The following PTPRD variants were observed in gnomAD, a reference collection of about 807,000 sequenced individuals.
PTPRD encodes protein tyrosine phosphatase receptor type D, also known as receptor-type tyrosine-protein phosphatase delta.
Under a neutral mutation model 214.5 loss-of-function variants are expected in PTPRD, and 34 were observed. The observed-to-expected ratio is 0.16, with a 90% CI of 0.12 to 0.21. PTPRD has a LOEUF of 0.21. PTPRD is among the 10% of genes least tolerant of loss of function. The probability of loss-of-function intolerance (pLI) is 1.00; values close to 1 mark genes in which losing one functional copy is unlikely to be tolerated. For missense variants in PTPRD, 2,545 were observed against 2,398.7 expected (o/e 1.06, Z -1.27); for synonymous variants, 1,128 against 845.7 (o/e 1.33, Z -5.79).
chr9:9,896,862 A>G (rs1601363853), intron 5 of PTPRD, among the ~76,000 whole-genome samples: 1 of 152,080 alleles, frequency 6.6e-6, no homozygotes, highest in Non-Finnish European at 1.5e-5. Context: ...ATATTAGAAA[A>G]ATCATTAACT....
In PTPRD at chr9:9,567,640, A is replaced by G. The variant is rs150486106; in HGVS notation, c.-237+7092T>C. Among the ~76,000 whole-genome samples the G allele has an allele frequency of 3.0e-3, 460 of 152,178 alleles. 2 individuals carry two copies. Among genetic ancestry groups the G allele is most frequent in the African/African-American group, 0.01 (430 of 41,558 alleles). ...AGTACACCAACAAAGCATAATAACT[A>G]TAACAGATACCACTGGTTGCCTAGC... On this transcript the variant is annotated intron_variant, in intron 8 of 45. Coordinates refer to ENST00000381196, the MANE Select transcript of PTPRD (RefSeq NM_002839.4).
chr9:9,774,370 G>A (rs1414131645), intron 5 of PTPRD, among the ~76,000 whole-genome samples: 1 of 152,154 alleles, frequency 6.6e-6, no homozygotes, highest in Non-Finnish European at 1.5e-5. Flanking sequence ...CTAAACAACA[G>A]TGCACTGGTG....
intron 9 of PTPRD, among the ~76,000 whole-genome samples, chr9:9,224,759 T>C (rs1029689400): frequency 1.3e-5 from 2 of 151,910 alleles, no homozygotes; most frequent in African/African-American, 4.8e-5. Context: ...CTGAAGAAAG[T>C]ACATCATTGT....
chr9:9,793,205 A>G (rs2098979481), intron 5 of PTPRD, among the ~76,000 whole-genome samples: 2 of 152,270 alleles, frequency 1.3e-5, no homozygotes, highest in African/African-American at 4.8e-5. Flanking sequence ...TGCTATTATC[A>G]TAAGTTGATA....
chr9:9,677,548 A>C (rs905575137), intron 7 of PTPRD, among the ~76,000 whole-genome samples: 2 of 152,136 alleles, frequency 1.3e-5, no homozygotes, highest in Admixed American at 1.3e-4. Flanking sequence ...TCAATAAATT[A>C]GGTATTGATG....
At chr9:8,637,338 TAGA>T (rs1430686815) in intron 12 of PTPRD, among the ~76,000 whole-genome samples, 1 of 152,136 alleles carries the variant, frequency 6.6e-6, no homozygotes, top group Non-Finnish European at 1.5e-5. Flanking sequence ...CGCCCTGAAT[TAGA>T]AGGTTTCGCA....
chr9:8,920,485 C>T (rs1178131455), intron 11 of PTPRD, among the ~76,000 whole-genome samples: 1 of 152,118 alleles, frequency 6.6e-6, no homozygotes, highest in Non-Finnish European at 1.5e-5. Flanking sequence ...TCCTCTAAGC[C>T]AGGGGTATCC....
Position 9,811,078 on chromosome 9 carries a change from A to G in PTPRD, c.-367-44227T>C, listed in dbSNP as rs1378853631. Among the ~76,000 whole-genome samples, 4 of 152,188 alleles carry G rather than the reference A, an allele frequency of 2.6e-5. No individual in the cohort carries two copies. In the East Asian group the frequency reaches 7.7e-4, roughly 29 times the overall value. On this transcript the variant is annotated intron_variant, in intron 5 of 45. Coordinates refer to ENST00000381196, the MANE Select transcript of PTPRD (RefSeq NM_002839.4). ...CATGGTGAAACTCCATCTGTACTAA[A>G]AATACAAAAATTAGCTGGGCATGGT...
intron 11 of PTPRD, among the ~76,000 whole-genome samples, chr9:8,953,558 C>A (rs1182825412): frequency 2.0e-5 from 3 of 152,012 alleles, no homozygotes; most frequent in Non-Finnish European, 4.4e-5. Flanking sequence ...AGTAAACAGA[C>A]AACCTACAGA....
intron 9 of PTPRD, among the ~76,000 whole-genome samples, chr9:9,347,602 G>C (rs1279529896): frequency 1.3e-5 from 2 of 151,954 alleles, no homozygotes; most frequent in Non-Finnish European, 2.9e-5. Flanking sequence ...GAAAAACAAG[G>C]CAATATCCAT....
intron 2 of PTPRD, among the ~76,000 whole-genome samples, chr9:10,544,811 T>A (rs2059858611): frequency 6.6e-6 from 1 of 152,186 alleles, no homozygotes; most frequent in South Asian, 2.1e-4. Context: ...GCAAAATGAC[T>A]AATGGTCCTA....
At chr9:9,455,239 T>C (rs924857437) in intron 8 of PTPRD, among the ~76,000 whole-genome samples, 4 of 151,622 alleles carry the variant, frequency 2.6e-5, no homozygotes, top group Admixed American at 1.3e-4. Flanking sequence ...CATTGAGAGA[T>C]GTAGATGGGA....
intron 6 of PTPRD, among the ~76,000 whole-genome samples, chr9:9,748,270 G>A (rs2098478243): frequency 6.6e-6 from 1 of 151,756 alleles, no homozygotes. Context: ...TTAAACAGTG[G>A]GATCCTACAC....
At chr9:8,819,998 T>A (rs747695301) in intron 11 of PTPRD, among the ~76,000 whole-genome samples, 3 of 152,170 alleles carry the variant, frequency 2.0e-5, no homozygotes, top group Non-Finnish European at 2.9e-5. Flanking sequence ...AAAGTAGCCA[T>A]TCACAGCAGA....
At chr9:9,703,842 T>G (rs1022980898) in intron 7 of PTPRD, among the ~76,000 whole-genome samples, 1 of 152,310 alleles carries the variant, frequency 6.6e-6, no homozygotes, top group South Asian at 2.1e-4. Flanking sequence ...TGAGAACATA[T>G]AGAATGCAAT....
At chr9:10,443,991 C>T (rs191473665) in intron 2 of PTPRD, among the ~76,000 whole-genome samples, 5 of 151,554 alleles carry the variant, frequency 3.3e-5, no homozygotes, top group African/African-American at 1.2e-4. Flanking sequence ...CTGATTGTGG[C>T]TTTCTTTAAA....
chr9:10,489,801 C>A (rs755713711), intron 2 of PTPRD, among the ~76,000 whole-genome samples: 5 of 152,036 alleles, frequency 3.3e-5, no homozygotes, highest in Non-Finnish European at 7.4e-5. Flanking sequence ...GAGTTCAATG[C>A]CTTAAAATTG....
At chr9:9,306,337 G>A (rs904399172) in intron 9 of PTPRD, among the ~76,000 whole-genome samples, 1 of 151,800 alleles carries the variant, frequency 6.6e-6, no homozygotes, top group African/African-American at 2.4e-5. Flanking sequence ...GCCTAGGTGG[G>A]TGGATCACCT....
chr9:10,199,897 T>TCG (rs538655918), intron 3 of PTPRD, among the ~76,000 whole-genome samples: 7 of 129,492 alleles, frequency 5.4e-5, no homozygotes, highest in African/African-American at 1.0e-4. Flanking sequence ...ACATGGGCAC[T>TCG]CGCGCGCACA....
Sources: gnomAD v4.1 joint callset for allele counts (sites outside exome capture counted in the v4.1 genomes callset) on GRCh38, gnomAD v4.1.1 for gene constraint, MANE v1.5 for transcripts, NCBI Gene and HGNC (gene_info 2026-07-23, HGNC 2026-07-21) for gene names.